Variants in BAIAP2L2 observed in about 807,000 individuals in gnomAD.
The protein encoded by BAIAP2L2 is BAR/IMD domain-containing adapter protein 2-like 2.
In BAIAP2L2, 65 loss-of-function variants were observed where a neutral mutation model predicts 60.4. The observed-to-expected ratio is 1.08, with a 90% CI of 0.88 to 1.32. BAIAP2L2 has a LOEUF of 1.32. Ranked by LOEUF, BAIAP2L2 falls within the 40% of genes most tolerant of loss-of-function variation. The pLI, the probability that BAIAP2L2 is intolerant of heterozygous loss-of-function variation, is 0.00. For missense variants in BAIAP2L2, 836 were observed against 741.2 expected, an observed-to-expected ratio of 1.13 and a Z score of -1.48; for synonymous variants, 344 against 301.7, an observed-to-expected ratio of 1.14 and a Z score of -1.45.
chr22:38,086,213 G>A (rs2086062297), intron 12 of BAIAP2L2, 29 bp downstream of exon 12: 1 of 1,601,260 alleles, frequency 6.2e-7, no homozygotes, highest in Non-Finnish European at 8.5e-7. Flanking sequence ...CCCGCTGGAG[G>A]CCCCAAGAGA....
At chr22:38,106,528 T>TA (rs71195083) in intron 4 of BAIAP2L2, among the ~76,000 whole-genome samples, 58,406 of 121,888 alleles carry the variant, frequency 0.48, 13,840 homozygotes, top group South Asian at 0.64. Flanking sequence ...TCAAAAAAAT[T>TA]AAAAAAAAAA....
At chr22:38,104,445 G>A (rs1254581159) in intron 4 of BAIAP2L2, among the ~76,000 whole-genome samples, 5 of 151,498 alleles carry the variant, frequency 3.3e-5, no homozygotes, top group Non-Finnish European at 7.4e-5. Flanking sequence ...AAAGTGTAAG[G>A]AAAAGAAACA....
chr22:38,102,208 T>C (rs1228591412), intron 4 of BAIAP2L2, among the ~76,000 whole-genome samples: 1 of 152,114 alleles, frequency 6.6e-6, no homozygotes, highest in Non-Finnish European at 1.5e-5. Context: ...TAGTCGAGCC[T>C]CTAGGAAGTC....
In BAIAP2L2 at chr22:38,086,420, A is replaced by G; in HGVS notation, c.1289T>C (p.Leu430Pro). 6.5e-7 allele frequency: 1 copy of G among 1,531,514 alleles called. No individual in the cohort carries two copies. Among genetic ancestry groups the G allele is most frequent in the Non-Finnish European group, 8.8e-7 (1 of 1,135,300 alleles). 94.9% of individuals were successfully genotyped at this position (1,531,514 alleles called of 1,614,324 possible). ...RSYPLRGSHS[L>P]DDLLDRPGNS... ...GCCCGGCCGGTCCAGGAGGTCATCG[A>G]GGCTGTGGCTGCCCCGGAGTGGGTA... Residue 430 changes from leucine (L) to proline (P), a missense_variant, in exon 12 of 14, where the codon CTC (leucine) becomes CCC (proline). By Grantham distance (98) the Leu-to-Pro change is moderately conservative (BLOSUM62 -3). Transcript: ENST00000381669.
Position 38,086,299 on chromosome 22 carries a change from G to GGGTGGA in BAIAP2L2, c.1404_1409dup (p.Pro469_Pro470dup). On this transcript the variant is annotated inframe_insertion, in exon 12 of 14. Transcript: ENST00000381669. ...TGCTGCTGCGGCGGCTGCTGGGCAAGGGTGGAGGTGCAGGGCTGGGGGCAC... is the reference window on the plus strand; with the variant it reads ...TGCTGCTGCGGCGGCTGCTGGGCAAGGGTGGAGGTGGAGGTGCAGGGCTGGGGGCAC... 6.3e-7 allele frequency: 1 copy of GGGTGGA among 1,590,100 alleles called. No individual in the cohort carries two copies. The highest frequency in any genetic ancestry group is 8.6e-7 in the Non-Finnish European group (1 of 1,164,864).
chr22:38,110,402 C>T, intron 1 of BAIAP2L2, 73 bp downstream of exon 1: 1 of 1,477,218 alleles, frequency 6.8e-7, no homozygotes, highest in Non-Finnish European at 9.3e-7. Context: ...GGCCCTCCGT[C>T]CTCCAGAGCG....
At position 38,088,722 on chromosome 22, in the gene BAIAP2L2, C is replaced by T. The variant is rs764709043; in HGVS notation, c.1118+26G>A. The T allele has an allele frequency of 1.1e-5, 16 of 1,518,978 alleles. No homozygotes were observed. In the Middle Eastern group the frequency reaches 5.7e-4, roughly 54 times the overall value. 94.1% of individuals were successfully genotyped at this position (1,518,978 alleles called of 1,614,324 possible). A position where few individuals can be genotyped will look rare whatever the true frequency, so the allele number is the denominator to read the frequency against. ...CCAGGGCCTTCTTCTCAACCCACCC[C>T]CGGCCCCTCCAAGGCTCCCACTCAC... On this transcript the variant is annotated intron_variant, in intron 10 of 13. Transcript: ENST00000381669.
At chr22:38,088,631 A>G (rs1056277673) in intron 10 of BAIAP2L2, 117 bp downstream of exon 10, 1 of 1,007,030 alleles carries the variant, frequency 9.9e-7, no homozygotes, top group Non-Finnish European at 1.4e-6. Flanking sequence ...GGAGAGGAGC[A>G]TTGTCCGAGG....
At chr22:38,107,473 T>C (rs1168533625) in intron 4 of BAIAP2L2, among the ~76,000 whole-genome samples, 2 of 152,016 alleles carry the variant, frequency 1.3e-5, no homozygotes, top group Admixed American at 1.3e-4. Context: ...AGTGGGGCCG[T>C]GGAACGGTTC....
intron 3 of BAIAP2L2, among the ~76,000 whole-genome samples, 160 bp downstream of exon 3, chr22:38,108,095 C>G (rs923525175): frequency 1.3e-5 from 2 of 152,194 alleles, no homozygotes; most frequent in African/African-American, 4.8e-5. Context: ...TGGGAGCAGC[C>G]CGGCAGGGAG....
Position 38,105,388 on chromosome 22 carries a change from G to A in BAIAP2L2, c.276+2464C>T, listed in dbSNP as rs140771009. Among the ~76,000 whole-genome samples the A allele has an allele frequency of 2.8e-3, 399 of 143,660 alleles. 2 individuals carry two copies. The highest frequency in any genetic ancestry group is 0.01 in the African/African-American group (379 of 37,540). The allele number at this position is 143,660 out of a possible 152,430, so 94.2% of individuals were successfully genotyped here. A position where few individuals can be genotyped will look rare whatever the true frequency, so the allele number is the denominator to read the frequency against. On this transcript the variant is annotated intron_variant, in intron 4 of 13. Coordinates refer to ENST00000381669, the MANE Select transcript of BAIAP2L2 (RefSeq NM_025045.6). ...ACAGAGTCTCACCGTCACCCAGGCT[G>A]GAGTGCTGTGGTGCGATCTCTGCTC... is the stretch of plus-strand genomic sequence containing the variant.
At chr22:38,095,704 T>C (rs1895327544) in intron 7 of BAIAP2L2, among the ~76,000 whole-genome samples, 1 of 152,114 alleles carries the variant, frequency 6.6e-6, no homozygotes, top group Non-Finnish European at 1.5e-5. Context: ...TCTCATCTTA[T>C]GAATTGGCGG....
At chr22:38,106,355 C>CA (rs911146509) in intron 4 of BAIAP2L2, among the ~76,000 whole-genome samples, 1 of 151,266 alleles carries the variant, frequency 6.6e-6, no homozygotes, top group Non-Finnish European at 1.5e-5. Context: ...CCCGTCTCTG[C>CA]AAAAAAATAA....
chr22:38,100,573 T>G (rs1295283109), intron 4 of BAIAP2L2, among the ~76,000 whole-genome samples: 4 of 114,056 alleles, frequency 3.5e-5, no homozygotes, highest in African/African-American at 6.6e-5. Flanking sequence ...AATAAATAAA[T>G]AAAGCTTAGC....
chr22:38,104,974 A>C (rs2086635303), intron 4 of BAIAP2L2, among the ~76,000 whole-genome samples: 1 of 152,156 alleles, frequency 6.6e-6, no homozygotes, highest in South Asian at 2.1e-4. Flanking sequence ...GGAGGCTGGC[A>C]AAGTTCTGCA....
intron 4 of BAIAP2L2, among the ~76,000 whole-genome samples, chr22:38,100,718 C>T (rs2086549627): frequency 6.6e-6 from 1 of 152,128 alleles, no homozygotes; most frequent in Non-Finnish European, 1.5e-5. Flanking sequence ...GTACAGTTTG[C>T]AGAACCATGA....
Position 38,105,465 on chromosome 22 carries a change from G to A in BAIAP2L2, c.276+2387C>T, listed in dbSNP as rs374079939. 2.0e-5 allele frequency among the ~76,000 whole-genome samples: 3 copies of A among 149,700 alleles called. No homozygotes were observed. In the East Asian group the frequency reaches 5.9e-4, roughly 30 times the overall value. On this transcript the variant is annotated intron_variant, in intron 4 of 13. Transcript: ENST00000381669. The stretch of plus-strand genomic sequence containing the variant: ...AGCGATTCTCCTGCCTCAGCCTCCC[G>A]AGTAGCTGGGATTACAGGCGCCCGC...
At chr22:38,101,190 C>G (rs1395083959) in intron 4 of BAIAP2L2, among the ~76,000 whole-genome samples, 1 of 151,890 alleles carries the variant, frequency 6.6e-6, no homozygotes, top group Non-Finnish European at 1.5e-5. Flanking sequence ...TCAAAACCTT[C>G]CTTCATCTTC....
intron 4 of BAIAP2L2, 69 bp downstream of exon 4, chr22:38,107,783 G>A (rs2086694397): frequency 9.7e-6 from 14 of 1,449,142 alleles, no homozygotes; most frequent in Non-Finnish European, 1.4e-5. Context: ...TGGTAGGCTG[G>A]GCCCTCTCCT....
Sources: allele counts gnomAD v4.1 joint callset (sites outside exome capture counted in the v4.1 genomes callset), GRCh38; gene constraint gnomAD v4.1.1; transcripts MANE v1.5; gene names NCBI Gene and HGNC (gene_info 2026-07-23, HGNC 2026-07-21).